Variants in LYRM4 observed in about 807,000 individuals in gnomAD.
LYRM4 encodes the protein LYR motif-containing protein 4.
In LYRM4, 9 loss-of-function variants were observed where a neutral mutation model predicts 11.7. That is an observed-to-expected ratio of 0.77 (90% CI 0.46 to 1.34). The LOEUF (loss-of-function observed/expected upper bound fraction) is 1.34. Among genes scored for constraint, LYRM4 ranks in the 40% most tolerant of loss-of-function variants. LYRM4 has a pLI of 0.00. For synonymous variants in LYRM4, 42 were observed against 40.4 expected, an observed-to-expected ratio of 1.04 and a Z score of -0.15; for missense variants, 133 against 112.5, an observed-to-expected ratio of 1.18 and a Z score of -0.82.
the LYRM4 span, among the ~76,000 whole-genome samples, chr6:5,062,300 TATTA>T: frequency 5.2e-5 from 7 of 135,606 alleles, no homozygotes; most frequent in South Asian, 4.5e-4. Flanking sequence ...TTATAATACA[TATTA>T]ATTAATATAT....
rs1310943650 is a variant in LYRM4 at position 5,108,493 on chromosome 6, G to A, written c.*930C>T. 20 of 856,892 alleles carry A rather than the reference G, an allele frequency of 2.3e-5. No homozygotes were observed. Among genetic ancestry groups the A allele is most frequent in the Non-Finnish European group, 2.7e-5 (19 of 712,574 alleles). 53.1% of individuals were successfully genotyped at this position (856,892 alleles called of 1,614,324 possible). ...AGGGGTCCCCAGTTGGTTAAACATT[G>A]AAAACAGTGGGAGAGCTTCAGAATA... is the stretch of plus-strand genomic sequence containing the variant. On this transcript the variant is annotated 3_prime_UTR_variant, in exon 3 of 3. Transcript: ENST00000330636.
intron 2 of LYRM4, among the ~76,000 whole-genome samples, chr6:5,116,599 C>T (rs1030882185): frequency 3.3e-5 from 5 of 152,200 alleles, no homozygotes; most frequent in Admixed American, 6.5e-5. Context: ...CAATTAACAC[C>T]TTCAAGTTAC....
chr6:5,098,432 A>G, the LYRM4 span, among the ~76,000 whole-genome samples: 1 of 152,140 alleles, frequency 6.6e-6, no homozygotes, highest in East Asian at 1.9e-4. Flanking sequence ...CTTCACATCA[A>G]TGCCATTCTC....
At chr6:5,217,252 T>G (rs889179963) in intron 1 of LYRM4, among the ~76,000 whole-genome samples, 2 of 152,222 alleles carry the variant, frequency 1.3e-5, no homozygotes, top group Non-Finnish European at 2.9e-5. Context: ...ATATTCTGGC[T>G]CTCACTTCCC....
chr6:5,080,619 C>G, the LYRM4 span, among the ~76,000 whole-genome samples: 1 of 152,174 alleles, frequency 6.6e-6, no homozygotes, highest in African/African-American at 2.4e-5. Context: ...GCCTGGGAAA[C>G]AGCTGAAACA....
chr6:5,184,617 T>A (rs901507895), intron 2 of LYRM4, among the ~76,000 whole-genome samples: 5 of 152,210 alleles, frequency 3.3e-5, no homozygotes, highest in South Asian at 2.1e-4. Context: ...AGAAAATAAA[T>A]GAACAGGATG....
chr6:5,196,931 A>G (rs1031314906), intron 2 of LYRM4, among the ~76,000 whole-genome samples: 2 of 152,234 alleles, frequency 1.3e-5, no homozygotes, highest in Admixed American at 1.3e-4. Context: ...CAACTCGGCA[A>G]TTAGGAAATA....
intron 2 of LYRM4, among the ~76,000 whole-genome samples, chr6:5,179,194 T>C (rs73719725): frequency 0.014 from 2,075 of 152,234 alleles, 39 homozygotes; most frequent in African/African-American, 0.047. Context: ...AAATTTAGCA[T>C]GTAAAGCCCT....
intron 2 of LYRM4, among the ~76,000 whole-genome samples, chr6:5,162,511 G>GAGAGAA (rs1758826199): frequency 6.8e-6 from 1 of 147,626 alleles, no homozygotes; most frequent in Non-Finnish European, 1.5e-5. Context: ...GAGAGAGAGA[G>GAGAGAA]AGAGAGAGAG....
the LYRM4 span, among the ~76,000 whole-genome samples, chr6:5,039,446 A>G: frequency 2.0e-5 from 3 of 152,210 alleles, no homozygotes; most frequent in East Asian, 3.8e-4. Context: ...AAGAGCAGGG[A>G]AGGGGTGGAA....
At chr6:5,108,345 C>G (rs538919363), downstream of LYRM4, 6 of 731,992 alleles carry the variant, frequency 8.2e-6, no homozygotes, top group Non-Finnish European at 1.0e-5. Flanking sequence ...TCTGGTCCCT[C>G]GTAAACTCCC....
At chr6:5,138,798 G>C in intron 2 of LYRM4, 1 of 1,303,704 alleles carries the variant, frequency 7.7e-7, no homozygotes, top group Non-Finnish European at 1.1e-6. Flanking sequence ...GAAAGAAAGA[G>C]TTCTTTGGGA....
chr6:5,085,258 G>A, the LYRM4 span: 1 of 454,296 alleles, frequency 2.2e-6, no homozygotes, highest in Non-Finnish European at 3.8e-6. Flanking sequence ...GCGTGGCCCC[G>A]GAGCCGGCCC....
the LYRM4 span, among the ~76,000 whole-genome samples, chr6:5,098,192 C>G: frequency 6.6e-6 from 1 of 152,186 alleles, no homozygotes; most frequent in Admixed American, 6.5e-5. Context: ...ACACATCCTG[C>G]TCCGTTCCGA....
At chr6:5,061,878 A>T in the LYRM4 span, among the ~76,000 whole-genome samples, 1 of 152,200 alleles carries the variant, frequency 6.6e-6, no homozygotes, top group Non-Finnish European at 1.5e-5. Context: ...TGAGAATGTT[A>T]TCACCTTTGT....
At chr6:5,212,185 G>C (rs1581516229) in intron 2 of LYRM4, among the ~76,000 whole-genome samples, 1 of 152,334 alleles carries the variant, frequency 6.6e-6, no homozygotes, top group Non-Finnish European at 1.5e-5. Flanking sequence ...AGGTACACTA[G>C]AGTTGTTTAA....
At chr6:5,133,323 C>T (rs1172759496) in intron 2 of LYRM4, among the ~76,000 whole-genome samples, 1 of 152,172 alleles carries the variant, frequency 6.6e-6, no homozygotes. Context: ...GCAGCAGATT[C>T]CTGACAGCGT....
At chr6:5,210,683 T>C (rs1161995811) in intron 2 of LYRM4, among the ~76,000 whole-genome samples, 1 of 152,200 alleles carries the variant, frequency 6.6e-6, no homozygotes, top group African/African-American at 2.4e-5. Context: ...TTTCTCCTCC[T>C]CCAGCCCCTG....
intron 2 of LYRM4, among the ~76,000 whole-genome samples, chr6:5,120,165 G>A (rs1300373211): frequency 6.6e-6 from 1 of 152,166 alleles, no homozygotes; most frequent in East Asian, 1.9e-4. Context: ...AAAGTGCTAG[G>A]ATTATAGGCA....
Sources: allele counts gnomAD v4.1 joint callset (sites outside exome capture counted in the v4.1 genomes callset), GRCh38; gene constraint gnomAD v4.1.1; transcripts MANE v1.5; gene names NCBI Gene and HGNC (gene_info 2026-07-23, HGNC 2026-07-21).